Variants in INPP4B observed in about 807,000 individuals in gnomAD.
INPP4B encodes inositol polyphosphate 4-phosphatase type II.
In INPP4B, 55 loss-of-function variants were observed where a neutral mutation model predicts 122.5. The ratio of observed to expected loss-of-function variants is 0.45; its 90% confidence interval spans 0.36 to 0.56. The LOEUF is 0.56. Ranked by LOEUF, INPP4B falls within the 20% of genes least tolerant of loss-of-function variation. INPP4B has a pLI of 0.00. For missense variants in INPP4B, 1,000 were observed against 1,097.7 expected (o/e 0.91, Z 1.26); for synonymous variants, 403 against 388.7 (o/e 1.04, Z -0.43).
chr4:142,509,453 C>T (rs1413239336), intron 2 of INPP4B, among the ~76,000 whole-genome samples: 3 of 152,126 alleles, frequency 2.0e-5, no homozygotes, highest in South Asian at 2.1e-4. Flanking sequence ...GTTCAACCCC[C>T]ACATGTGAGT....
intron 1 of INPP4B, among the ~76,000 whole-genome samples, chr4:142,812,054 G>C (rs894165050): frequency 6.6e-6 from 1 of 152,074 alleles, no homozygotes; most frequent in Non-Finnish European, 1.5e-5. Context: ...GATGTATGAA[G>C]ATGAGTAGTT....
intron 18 of INPP4B, among the ~76,000 whole-genome samples, chr4:142,133,204 C>T (rs1331107061): frequency 1.3e-5 from 2 of 152,154 alleles, no homozygotes; most frequent in Non-Finnish European, 2.9e-5. Flanking sequence ...TTTCTCTGTA[C>T]ACTCAATCCC....
chr4:142,587,576 T>G (rs1736496844), intron 2 of INPP4B, among the ~76,000 whole-genome samples: 1 of 152,178 alleles, frequency 6.6e-6, no homozygotes, highest in Non-Finnish European at 1.5e-5. Flanking sequence ...GTGTATATAC[T>G]TATGGGTTAC....
Position 142,147,484 on chromosome 4 carries a change from T to C in INPP4B, c.1564-1488A>G, listed in dbSNP as rs77752374. Among the ~76,000 whole-genome samples, 494 of 152,248 alleles carry C rather than the reference T, an allele frequency of 3.2e-3. 3 individuals carry two copies. The highest frequency in any genetic ancestry group is 0.011 in the African/African-American group (446 of 41,548). ...AATTTTGGATCCTTATGTGACATGC[T>C]ACCTAGGAGACACTGAGAAAAGTAC... On this transcript the variant is annotated intron_variant, in intron 17 of 25. Transcript: ENST00000262992.
chr4:142,479,767 C>G (rs907977261), intron 2 of INPP4B, among the ~76,000 whole-genome samples: 14 of 151,978 alleles, frequency 9.2e-5, no homozygotes, highest in Admixed American at 9.2e-4. Flanking sequence ...ATTGAGTACA[C>G]GTGGACACAA....
chr4:142,429,859 G>T (rs751483910), intron 4 of INPP4B, among the ~76,000 whole-genome samples: 17 of 152,038 alleles, frequency 1.1e-4, no homozygotes, highest in Non-Finnish European at 1.9e-4. Flanking sequence ...ACAGCTAGAA[G>T]GTAGAGTGAT....
At position 142,424,247 on chromosome 4, in the gene INPP4B, G is replaced by GT. The variant is rs3836679; in HGVS notation, c.136+4925dup. On this transcript the variant is annotated intron_variant, in intron 5 of 25. Coordinates refer to ENST00000262992, the MANE Select transcript of INPP4B (RefSeq NM_001101669.3). The stretch of plus-strand genomic sequence containing the variant: ...CTAGGAAATAGGTTAGCTGTTAACT[G>GT]TTTTTTTAATGATTTCAAGAGTAGT... Among the ~76,000 whole-genome samples the GT allele has an allele frequency of 1.1e-3, 171 of 151,376 alleles. 3 individuals carry two copies. The East Asian group carries it at 0.03, about 27-fold the overall frequency.
In INPP4B at chr4:142,537,423, TATATATAGAGAGAGAG is replaced by T. The variant is rs1349347375; in HGVS notation, c.-190-74713_-190-74698del. 2.6e-3 allele frequency among the ~76,000 whole-genome samples: 127 copies of T among 48,008 alleles called. 1 individual carries two copies. Among genetic ancestry groups the T allele is most frequent in the African/African-American group, 8.1e-3 (114 of 13,996 alleles). The allele number at this position is 48,008 out of a possible 152,430, so 31.5% of individuals were successfully genotyped here. A position where few individuals can be genotyped will look rare whatever the true frequency, so the allele number is the denominator to read the frequency against. On this transcript the variant is annotated intron_variant, in intron 2 of 25. Transcript: ENST00000262992. ...CAGTATATATATATATATATATATA[TATATATAGAGAGAGAG>T]AGAGAGAGAGAGAGAGAGAGAGAGA...
chr4:142,815,105 T>A (rs1779964955), intron 1 of INPP4B, among the ~76,000 whole-genome samples: 1 of 152,076 alleles, frequency 6.6e-6, no homozygotes, highest in Non-Finnish European at 1.5e-5. Context: ...AATGCATAAA[T>A]CCAGTGGAAT....
At chr4:142,074,349 T>C (rs1016285954) in intron 25 of INPP4B, among the ~76,000 whole-genome samples, 6 of 152,206 alleles carry the variant, frequency 3.9e-5, no homozygotes, top group Admixed American at 6.5e-5. Context: ...TGAGAAAATA[T>C]AACTTAAACA....
At chr4:142,256,156 C>T (rs555327512) in intron 11 of INPP4B, among the ~76,000 whole-genome samples, 105 of 148,844 alleles carry the variant, frequency 7.1e-4, no homozygotes, top group African/African-American at 6.2e-4. Flanking sequence ...TTGAAACCAA[C>T]GAGAACAAAG....
At chr4:142,452,813 C>T (rs1477700371) in intron 3 of INPP4B, among the ~76,000 whole-genome samples, 1 of 152,108 alleles carries the variant, frequency 6.6e-6, no homozygotes, top group Non-Finnish European at 1.5e-5. Flanking sequence ...AAATACTTCA[C>T]CTGACACATT....
At chr4:142,056,127 C>T (rs369375745) in intron 25 of INPP4B, among the ~76,000 whole-genome samples, 2 of 151,826 alleles carry the variant, frequency 1.3e-5, no homozygotes, top group African/African-American at 4.8e-5. Context: ...AGGCAGAGCT[C>T]AGATTGTGGC....
intron 15 of INPP4B, among the ~76,000 whole-genome samples, chr4:142,174,794 T>G (rs1827298015): frequency 6.6e-6 from 1 of 152,056 alleles, no homozygotes; most frequent in Non-Finnish European, 1.5e-5. Context: ...CTGATTAAAT[T>G]AAAAAAAAAT....
intron 2 of INPP4B, among the ~76,000 whole-genome samples, chr4:142,569,556 A>C (rs1265629976): frequency 6.6e-6 from 1 of 152,186 alleles, no homozygotes; most frequent in African/African-American, 2.4e-5. Context: ...AAACTCAGGC[A>C]GTCTCTAACG....
At chr4:142,531,694 C>T (rs1266705205) in intron 2 of INPP4B, among the ~76,000 whole-genome samples, 1 of 151,666 alleles carries the variant, frequency 6.6e-6, no homozygotes, top group Non-Finnish European at 1.5e-5. Context: ...TTTAACAAGC[C>T]TGCGTGAAGG....
intron 15 of INPP4B, among the ~76,000 whole-genome samples, chr4:142,175,348 C>A (rs1467167416): frequency 2.0e-5 from 3 of 150,706 alleles, no homozygotes; most frequent in African/African-American, 4.9e-5. Flanking sequence ...TTATCAGAAT[C>A]TTTAAGGAAA....
intron 2 of INPP4B, among the ~76,000 whole-genome samples, chr4:142,561,438 A>G (rs1730450452): frequency 1.3e-5 from 2 of 152,138 alleles, no homozygotes; most frequent in South Asian, 4.1e-4. Context: ...TTGTTTTTTG[A>G]GACGGAGTCT....
At chr4:142,781,068 G>A (rs906809756) in intron 1 of INPP4B, among the ~76,000 whole-genome samples, 2 of 152,150 alleles carry the variant, frequency 1.3e-5, no homozygotes, top group Non-Finnish European at 2.9e-5. Context: ...AGGTACATGC[G>A]AGATATTCTT....
Sources: gnomAD v4.1 joint callset for allele counts (sites outside exome capture counted in the v4.1 genomes callset) on GRCh38, gnomAD v4.1.1 for gene constraint, MANE v1.5 for transcripts, NCBI Gene and HGNC (gene_info 2026-07-23, HGNC 2026-07-21) for gene names.